The following ZSCAN25 variants were observed in gnomAD, a reference collection of about 807,000 sequenced individuals.
The protein encoded by ZSCAN25 is zinc finger and SCAN domain containing 25, also known as zinc finger and SCAN domain-containing protein 25.
Under a neutral mutation model 38.7 loss-of-function variants are expected in ZSCAN25, and 27 were observed. The observed-to-expected ratio is 0.70, with a 90% CI of 0.51 to 0.96. The LOEUF (loss-of-function observed/expected upper bound fraction) is 0.96, where lower values mean the gene tolerates loss of function less well. ZSCAN25 is among the 40% of genes least tolerant of loss of function. The pLI is 0.00. For missense variants in ZSCAN25, 637 were observed against 705.9 expected, an observed-to-expected ratio of 0.90 and a Z score of 1.11; for synonymous variants, 273 against 277.7, an observed-to-expected ratio of 0.98 and a Z score of 0.17.
At chr7:99,689,353 G>A in the ZSCAN25 span, among the ~76,000 whole-genome samples, 3 of 152,310 alleles carry the variant, frequency 2.0e-5, no homozygotes, top group Non-Finnish European at 2.9e-5. Context: ...CCATCCCACA[G>A]AAATACAAAC....
the ZSCAN25 span, among the ~76,000 whole-genome samples, chr7:99,716,740 C>T: frequency 2.6e-5 from 4 of 152,032 alleles, no homozygotes; most frequent in Admixed American, 6.6e-5. Context: ...TCTACTGATA[C>T]CCTCAGAAAA....
At chr7:99,684,806 G>A in the ZSCAN25 span, among the ~76,000 whole-genome samples, 11 of 152,094 alleles carry the variant, frequency 7.2e-5, no homozygotes, top group Admixed American at 1.3e-4. Context: ...TAATAATTTT[G>A]GATGAAATTA....
chr7:99,709,246 C>T, the ZSCAN25 span: 1 of 1,613,690 alleles, frequency 6.2e-7, no homozygotes, highest in African/African-American at 1.3e-5. Flanking sequence ...AGCACAGTAT[C>T]ATAGGTGGGT....
the ZSCAN25 span, chr7:99,648,249 C>G: frequency 1.9e-6 from 3 of 1,583,566 alleles, no homozygotes; most frequent in Non-Finnish European, 2.6e-6. Context: ...GTTGAAATCT[C>G]TGGTGTTCTG....
At chr7:99,666,520 A>G in the ZSCAN25 span, 1 of 1,435,310 alleles carries the variant, frequency 7.0e-7, no homozygotes, top group Non-Finnish European at 9.8e-7. Context: ...GAGTAACCCA[A>G]CAGTGCGACT....
At chr7:99,626,313 C>T (rs941564561) in intron 7 of ZSCAN25, among the ~76,000 whole-genome samples, 13 of 152,132 alleles carry the variant, frequency 8.5e-5, no homozygotes, top group African/African-American at 1.4e-4. Flanking sequence ...AGAGTGAGGC[C>T]GCTGAGGAGT....
chr7:99,688,107 C>T, the ZSCAN25 span, among the ~76,000 whole-genome samples: 1 of 152,180 alleles, frequency 6.6e-6, no homozygotes, highest in African/African-American at 2.4e-5. Flanking sequence ...GAAAAAAATG[C>T]ATCAACTAAC....
chr7:99,674,534 C>T, the ZSCAN25 span: 1 of 1,613,502 alleles, frequency 6.2e-7, no homozygotes, highest in Non-Finnish European at 8.5e-7. Flanking sequence ...AATACTCACC[C>T]CCACATTTTT....
the ZSCAN25 span, chr7:99,707,807 C>T: frequency 1.2e-6 from 2 of 1,613,700 alleles, no homozygotes; most frequent in Non-Finnish European, 1.7e-6. Flanking sequence ...AGAAAATTGA[C>T]TGACCTGTGT....
the ZSCAN25 span, chr7:99,720,457 C>A: frequency 6.2e-7 from 1 of 1,609,154 alleles, no homozygotes; most frequent in Non-Finnish European, 8.5e-7. Context: ...CAGCCTTATG[C>A]TACAGCTGGA....
the ZSCAN25 span, among the ~76,000 whole-genome samples, chr7:99,639,173 C>G: frequency 1.3e-5 from 2 of 152,146 alleles, no homozygotes; most frequent in Admixed American, 1.3e-4. Context: ...TTGGACGTCC[C>G]CTGGGGGAGG....
At chr7:99,673,892 A>G in the ZSCAN25 span, among the ~76,000 whole-genome samples, 2 of 152,220 alleles carry the variant, frequency 1.3e-5, no homozygotes, top group Non-Finnish European at 2.9e-5. Context: ...GGTAACCACA[A>G]TGCTCCTAGC....
the ZSCAN25 span, chr7:99,722,228 C>A: frequency 1.5e-3 from 2,444 of 1,598,446 alleles, 31 homozygotes; most frequent in African/African-American, 0.03. Flanking sequence ...CTGAGACTAT[C>A]CTCTGTGCAG....
chr7:99,724,993 T>C, the ZSCAN25 span, among the ~76,000 whole-genome samples: 1 of 152,124 alleles, frequency 6.6e-6, no homozygotes, highest in South Asian at 2.1e-4. Context: ...AGCCAGACCT[T>C]CAAGAAGGCA....
At chr7:99,689,700 T>C in the ZSCAN25 span, among the ~76,000 whole-genome samples, 2 of 152,168 alleles carry the variant, frequency 1.3e-5, no homozygotes, top group South Asian at 2.1e-4. Flanking sequence ...CCATTCACAA[T>C]TGCTTCAAAG....
chr7:99,674,568 G>T, the ZSCAN25 span: 1 of 1,613,584 alleles, frequency 6.2e-7, no homozygotes, highest in Non-Finnish European at 8.5e-7. Context: ...AGCACTCTGT[G>T]TCAAATTTCC....
At chr7:99,665,301 AG>A in the ZSCAN25 span, 1 of 1,614,176 alleles carries the variant, frequency 6.2e-7, no homozygotes, top group East Asian at 2.2e-5. Flanking sequence ...TCCATGCTGT[AG>A]GCCCCAAAGA....
the ZSCAN25 span, among the ~76,000 whole-genome samples, chr7:99,737,446 A>AAAGATG: frequency 6.6e-6 from 1 of 152,136 alleles, no homozygotes; most frequent in Non-Finnish European, 1.5e-5. Context: ...AGGGAGAAAG[A>AAAGATG]AAGATGCAGT....
chr7:99,694,964 C>T, the ZSCAN25 span, among the ~76,000 whole-genome samples: 748 of 148,432 alleles, frequency 5.0e-3, 6 homozygotes, highest in African/African-American at 0.019. Flanking sequence ...AGTGATTTTG[C>T]ATATGATTCT....
Sources: gnomAD v4.1 joint callset for allele counts (sites outside exome capture counted in the v4.1 genomes callset) on GRCh38, gnomAD v4.1.1 for gene constraint, MANE v1.5 for transcripts, NCBI Gene and HGNC (gene_info 2026-07-23, HGNC 2026-07-21) for gene names.